The following AFDN variants were observed in gnomAD, a reference collection of about 807,000 sequenced individuals.
AFDN encodes afadin, adherens junction formation factor, also known as afadin.
In AFDN, 68 loss-of-function variants were observed where a neutral mutation model predicts 216.6. The ratio of observed to expected loss-of-function variants is 0.31; its 90% CI spans 0.26 to 0.38. The LOEUF (loss-of-function observed/expected upper bound fraction) is 0.38, where lower values mean the gene tolerates loss of function less well. AFDN is among the 10% of genes least tolerant of loss of function. AFDN has a pLI of 1.00. For synonymous variants in AFDN, 868 were observed against 853.7 expected (o/e 1.02, Z -0.29); for missense variants, 2,136 against 2,342.0 (o/e 0.91, Z 1.82).
chr6:167,933,967 A>C (rs1052570494), intron 23 of AFDN, among the ~76,000 whole-genome samples: 4 of 152,156 alleles, frequency 2.6e-5, no homozygotes, highest in African/African-American at 9.6e-5. Flanking sequence ...CATCCCCTGC[A>C]CAGGCCAGGA....
chr6:167,914,178 A>C lies in AFDN; in HGVS notation c.2069A>C (p.Asn690Thr). Residue 690 changes from asparagine (N) to threonine (T), a missense_variant, in exon 17 of 34, where the codon AAT (asparagine) becomes ACT (threonine). By Grantham distance (65) the Asn-to-Thr change is moderately conservative. Transcript: ENST00000683244. ...EVDQVDQKQK[N>T]IAGALAFWMA... ...GTGTTCTGTCTACAGAAACAGAAGA[A>C]TATTGCAGGGGCACTTGCCTTCTGG... 6.2e-7 allele frequency: 1 copy of C among 1,614,082 alleles called. No homozygotes were observed. Among genetic ancestry groups the C allele is most frequent in the East Asian group, 2.2e-5 (1 of 44,876 alleles).
At chr6:167,892,063 T>C (rs1787684047) in intron 8 of AFDN, among the ~76,000 whole-genome samples, 1 of 152,254 alleles carries the variant, frequency 6.6e-6, no homozygotes, top group South Asian at 2.1e-4. Flanking sequence ...ACGATATTTG[T>C]TGTCCAGCAG....
At chr6:167,883,184 A>C (rs1786360274) in intron 6 of AFDN, among the ~76,000 whole-genome samples, 1 of 152,058 alleles carries the variant, frequency 6.6e-6, no homozygotes, top group Non-Finnish European at 1.5e-5. Context: ...ATGGGGAAGG[A>C]AAGTCCAGAA....
intron 23 of AFDN, among the ~76,000 whole-genome samples, chr6:167,926,485 C>T (rs1792547255): frequency 6.6e-6 from 1 of 152,228 alleles, no homozygotes; most frequent in East Asian, 1.9e-4. Flanking sequence ...CTGTGTCACC[C>T]AGGCTGGAGT....
At chr6:167,968,486 C>T (rs1324765871) in intron 32 of AFDN, 2 of 152,284 alleles carry the variant, frequency 1.3e-5, no homozygotes, top group African/African-American at 2.4e-5. Flanking sequence ...AAATATTGTA[C>T]TACTTTTGTG....
At chr6:167,893,992 A>G in intron 9 of AFDN, 86 bp downstream of exon 9, 2 of 1,010,450 alleles carry the variant, frequency 2.0e-6, no homozygotes, top group Non-Finnish European at 3.0e-6. Context: ...CAAATATCTT[A>G]TGTATCAGTT....
In AFDN at chr6:167,911,387, A is replaced by C. The variant is rs778580724; in HGVS notation, c.1935A>C (p.Val645=). The C allele has an allele frequency of 1.2e-6, 2 of 1,614,066 alleles. No homozygotes were observed. Among genetic ancestry groups the C allele is most frequent in the East Asian group, 4.5e-5 (2 of 44,874 alleles). The change falls in exon 15 of 34, where the codon GTA becomes GTC. Residue 645 remains valine, a synonymous_variant. Transcript: ENST00000683244. ...TATTATATATGGCATGCCGGTATGT[A>C]TTGTCCAACCAGTACAGACCTGACA... ...TYVLYMACRY[V]LSNQYRPDIS...
At chr6:167,948,908 T>G (rs1042377023) in intron 29 of AFDN, among the ~76,000 whole-genome samples, 3 of 152,206 alleles carry the variant, frequency 2.0e-5, no homozygotes, top group Non-Finnish European at 2.9e-5. Context: ...TTCTCAGTCT[T>G]GGACGAGAAC....
intron 5 of AFDN, among the ~76,000 whole-genome samples, chr6:167,877,062 A>G (rs1378847096): frequency 6.6e-6 from 1 of 152,184 alleles, no homozygotes; most frequent in Non-Finnish European, 1.5e-5. Context: ...CATATAAGGA[A>G]TAAGGGGCCT....
At chr6:167,864,810 AG>A in intron 2 of AFDN, 64 bp downstream of exon 2, 1 of 1,518,164 alleles carries the variant, frequency 6.6e-7, no homozygotes, top group Non-Finnish European at 9.1e-7. Flanking sequence ...CAGCTTGTCC[AG>A]GGTCATTGTG....
Position 167,969,169 on chromosome 6 carries a change from T to C in AFDN, c.5313T>C (p.Cys1771=). ...CAGCTGTTGGAGCCCATGACGCCTG[T>C]CGGGATGCAAAAGAGAAGCGCTCTA... ...TGAAVGAHDA[C]RDAKEKRSKS... is the part of the protein sequence containing the mutation. Residue 1771 remains cysteine (C), a synonymous_variant, in exon 33 of 34, where the codon TGT becomes TGC. Coordinates refer to ENST00000683244, the MANE Select transcript of AFDN (RefSeq NM_001386888.1). 1 of 1,613,950 alleles carries C rather than the reference T, an allele frequency of 6.2e-7. No homozygotes were observed. The highest frequency in any genetic ancestry group is 8.5e-7 in the Non-Finnish European group (1 of 1,179,868).
intron 13 of AFDN, among the ~76,000 whole-genome samples, chr6:167,907,755 C>A (rs1413644718): frequency 6.6e-6 from 1 of 151,976 alleles, no homozygotes; most frequent in African/African-American, 2.4e-5. Context: ...TGATGTGTCT[C>A]CCTGTGGAGA....
At chr6:167,933,157 G>T (rs1793538745) in intron 23 of AFDN, among the ~76,000 whole-genome samples, 1 of 152,148 alleles carries the variant, frequency 6.6e-6, no homozygotes, top group Non-Finnish European at 1.5e-5. Flanking sequence ...CTTTCTCTAA[G>T]ACCTGTTTTT....
At chr6:167,964,397 A>G in intron 31 of AFDN, 1 of 1,064,952 alleles carries the variant, frequency 9.4e-7, no homozygotes, top group Non-Finnish European at 1.1e-6. Flanking sequence ...TGATAGTTCC[A>G]TTTAAAAGCC....
rs537314205 is a variant in AFDN at position 167,962,858 on chromosome 6, G to T, written c.4968+291G>T. On this transcript the variant is annotated intron_variant, in intron 31 of 33. Coordinates refer to ENST00000683244, the MANE Select transcript of AFDN (RefSeq NM_001386888.1). The surrounding 1 kb of genome is among the most constrained non-coding windows in gnomAD (Gnocchi z 5.2). ...CTCTTTGCAAAGGGTTCGTTTCCTC[G>T]GGCACTCATCTTTACTGAACATGGC... 1 of 1,232,932 alleles carries T rather than the reference G, an allele frequency of 8.1e-7. No individual in the cohort carries two copies. Among genetic ancestry groups the T allele is most frequent in the African/African-American group, 1.5e-5 (1 of 67,372 alleles). The allele number at this position is 1,232,932 out of a possible 1,614,324, so 76.4% of individuals were successfully genotyped here.
intron 1 of AFDN, among the ~76,000 whole-genome samples, chr6:167,833,316 GA>G (rs1780031826): frequency 6.6e-6 from 1 of 152,174 alleles, no homozygotes; most frequent in African/African-American, 2.4e-5. Context: ...AACTCCACCT[GA>G]AAGTGCCTTT....
Position 167,944,065 on chromosome 6 carries a change from G to T in AFDN, c.3358+6G>T. On this transcript the variant is annotated splice_donor_region_variant and intron_variant, in intron 26 of 33. Coordinates refer to ENST00000683244, the MANE Select transcript of AFDN (RefSeq NM_001386888.1). Reference sequence around the variant, plus strand: ...ATCCCCCATGATGCAGAGAAGTAAGGACCAGTAGGGAAACAACAGTGTTTT... The same window carrying T: ...ATCCCCCATGATGCAGAGAAGTAAGTACCAGTAGGGAAACAACAGTGTTTT... 1 of 1,604,932 alleles carries T rather than the reference G, an allele frequency of 6.2e-7. No individual in the cohort carries two copies. The highest frequency in any genetic ancestry group is 1.1e-5 in the South Asian group (1 of 90,846).
In AFDN at chr6:167,923,727, G is replaced by T. The variant is rs569618345; in HGVS notation, c.3012+768G>T. On this transcript the variant is annotated intron_variant, in intron 22 of 33. Coordinates refer to ENST00000683244, the MANE Select transcript of AFDN (RefSeq NM_001386888.1). ...CAACCTCTGCCTCCTGGGTTCAAGC[G>T]ATTCTCCTGCCTCAGCCTCCCAGTA... Among the ~76,000 whole-genome samples, 330 of 150,214 alleles carry T rather than the reference G, an allele frequency of 2.2e-3. 1 individual carries two copies. Among genetic ancestry groups the T allele is most frequent in the Non-Finnish European group, 3.8e-3 (257 of 67,772 alleles).
At chr6:167,875,244 C>T in intron 4 of AFDN, 91 bp from the exon 5 acceptor site, 2 of 1,214,476 alleles carry the variant, frequency 1.6e-6, no homozygotes, top group East Asian at 4.7e-5. Context: ...CAAATAGCAC[C>T]TGCCATTTTG....
Sources: gnomAD v4.1 joint callset for allele counts (sites outside exome capture counted in the v4.1 genomes callset) on GRCh38, gnomAD v4.1.1 for gene constraint, Gnocchi (gnomAD v3.1) non-coding constraint, MANE v1.5 for transcripts, NCBI Gene and HGNC (gene_info 2026-07-23, HGNC 2026-07-21) for gene names.